The following VWA8 variants were observed in gnomAD, a reference collection of about 807,000 sequenced individuals.
The protein encoded by VWA8 is von Willebrand factor A domain-containing protein 8.
A neutral mutation model predicts 241.5 loss-of-function variants in VWA8; 221 were observed. The ratio of observed to expected loss-of-function variants is 0.91; its 90% confidence interval spans 0.82 to 1.02. The LOEUF is 1.02. Ranked by LOEUF, VWA8 falls within the 50% of genes least tolerant of loss-of-function variation. The probability of loss-of-function intolerance (pLI) is 0.00; values close to 1 mark genes in which losing one functional copy is unlikely to be tolerated. For synonymous variants in VWA8, 852 were observed against 827.1 expected, an observed-to-expected ratio of 1.03 and a Z score of -0.52; for missense variants, 2,322 against 2,328.7, an observed-to-expected ratio of 1.00 and a Z score of 0.06.
chr13:41,613,033 T>G (rs2044600117), intron 38 of VWA8, among the ~76,000 whole-genome samples: 1 of 152,196 alleles, frequency 6.6e-6, no homozygotes, highest in Admixed American at 6.5e-5. Context: ...TACACAGAAT[T>G]AGGCAATTTC....
Position 41,900,383 on chromosome 13 carries a change from A to G in VWA8, c.483+7203T>C, listed in dbSNP as rs995389601. Among the ~76,000 whole-genome samples the G allele has an allele frequency of 4.6e-5, 7 of 152,362 alleles. No individual in the cohort carries two copies. In the East Asian group the frequency reaches 9.6e-4, roughly 21 times the overall value. On this transcript the variant is annotated intron_variant, in intron 4 of 44. Coordinates refer to ENST00000379310, the MANE Select transcript of VWA8 (RefSeq NM_015058.2). ...GAGCTCTTCTTGTCCTTCAAGCTAC[A>G]GAACTTCCAGAGACCTAATTTTCTC...
chr13:41,811,867 T>C (rs985215339), intron 16 of VWA8, among the ~76,000 whole-genome samples: 1 of 152,210 alleles, frequency 6.6e-6, no homozygotes, highest in Non-Finnish European at 1.5e-5. Flanking sequence ...CAGAATACTT[T>C]CACTTTGCTA....
intron 37 of VWA8, among the ~76,000 whole-genome samples, chr13:41,669,893 T>C (rs187511887): frequency 3.0e-4 from 46 of 152,286 alleles, no homozygotes; most frequent in African/African-American, 1.1e-3. Context: ...CACATGTTTA[T>C]TTTAGAGTCA....
chr13:41,942,367 CA>C (rs1233119742), intron 2 of VWA8, among the ~76,000 whole-genome samples: 3 of 152,144 alleles, frequency 2.0e-5, no homozygotes, highest in African/African-American at 7.2e-5. Context: ...TAAAACTCAT[CA>C]CACAGCTAAC....
intron 21 of VWA8, among the ~76,000 whole-genome samples, chr13:41,759,164 G>A (rs1436984635): frequency 6.6e-6 from 1 of 151,328 alleles, no homozygotes; most frequent in Non-Finnish European, 1.5e-5. Context: ...CTCAGTTTTT[G>A]TCTGAAAATG....
chr13:41,867,499 C>T (rs912166891), intron 10 of VWA8, among the ~76,000 whole-genome samples: 1 of 152,222 alleles, frequency 6.6e-6, no homozygotes, highest in Non-Finnish European at 1.5e-5. Flanking sequence ...AACCTCTTTA[C>T]ATCTCAGTTT....
chr13:41,883,203 T>C (rs1874346665), intron 9 of VWA8, among the ~76,000 whole-genome samples, 184 bp downstream of exon 9: 2 of 152,158 alleles, frequency 1.3e-5, no homozygotes, highest in Admixed American at 1.3e-4. Flanking sequence ...TTATCACAGC[T>C]GTCTTCTTGT....
At chr13:41,584,665 TG>T (rs749281614) in intron 42 of VWA8, among the ~76,000 whole-genome samples, 5 of 152,200 alleles carry the variant, frequency 3.3e-5, no homozygotes, top group Admixed American at 6.5e-5. Flanking sequence ...AAGAATTTAA[TG>T]GCATAAAAAA....
intron 35 of VWA8, among the ~76,000 whole-genome samples, chr13:41,677,888 T>C (rs2045071116): frequency 6.6e-6 from 1 of 152,174 alleles, no homozygotes; most frequent in Non-Finnish European, 1.5e-5. Context: ...TCAAATGTAG[T>C]TTACAAAAAA....
chr13:41,716,057 C>T (rs1019023470), intron 26 of VWA8, among the ~76,000 whole-genome samples: 1 of 151,822 alleles, frequency 6.6e-6, no homozygotes, highest in Non-Finnish European at 1.5e-5. Flanking sequence ...ATGTCCTGTC[C>T]CATGTATTAG....
intron 20 of VWA8, among the ~76,000 whole-genome samples, chr13:41,772,186 G>C (rs938284998): frequency 7.9e-5 from 12 of 152,198 alleles, no homozygotes; most frequent in African/African-American, 2.9e-4. Flanking sequence ...CACTGCGCCC[G>C]GCCTCCGGCA....
intron 37 of VWA8, among the ~76,000 whole-genome samples, chr13:41,625,500 G>A (rs567297413): frequency 1.1e-4 from 17 of 152,256 alleles, no homozygotes; most frequent in East Asian, 3.9e-4. Context: ...ATCACTGGCC[G>A]TCAGAGAAAC....
chr13:41,849,315 T>A (rs963816804), intron 12 of VWA8, among the ~76,000 whole-genome samples: 2 of 152,116 alleles, frequency 1.3e-5, no homozygotes, highest in African/African-American at 4.8e-5. Context: ...GGGGAAAAAA[T>A]ATGTTCACAA....
At chr13:41,650,821 C>T (rs1428001739) in intron 37 of VWA8, among the ~76,000 whole-genome samples, 2 of 152,110 alleles carry the variant, frequency 1.3e-5, no homozygotes, top group Non-Finnish European at 2.9e-5. Flanking sequence ...TGAGGGTAGA[C>T]AGGCTGCATC....
intron 8 of VWA8, among the ~76,000 whole-genome samples, chr13:41,885,584 C>G (rs1358714430): frequency 2.0e-5 from 3 of 152,174 alleles, no homozygotes; most frequent in Non-Finnish European, 4.4e-5. Flanking sequence ...GTGTGAAAGC[C>G]CTAGCTCCCC....
chr13:41,775,629 T>C (rs1387386136), intron 20 of VWA8, among the ~76,000 whole-genome samples: 2 of 152,148 alleles, frequency 1.3e-5, no homozygotes, highest in Non-Finnish European at 2.9e-5. Flanking sequence ...ACCATCTACC[T>C]ATGGAGCTGT....
intron 12 of VWA8, among the ~76,000 whole-genome samples, 198 bp from the exon 13 acceptor site, chr13:41,833,729 C>T (rs1871590008): frequency 6.6e-6 from 1 of 152,044 alleles, no homozygotes; most frequent in Admixed American, 6.6e-5. Flanking sequence ...GATTTTTTTC[C>T]ATTACTCATT....
Position 41,783,294 on chromosome 13 carries a change from A to G in VWA8, c.2277+501T>C, listed in dbSNP as rs1383224973. ...CCCTAATCATAGCAACCATTCCTCCAATTTTTAAGTACCTTTGGAAAAAAT... is the reference window on the plus strand; with the variant it reads ...CCCTAATCATAGCAACCATTCCTCCGATTTTTAAGTACCTTTGGAAAAAAT... On this transcript the variant is annotated intron_variant, in intron 19 of 44. Coordinates refer to ENST00000379310, the MANE Select transcript of VWA8 (RefSeq NM_015058.2). Among the ~76,000 whole-genome samples the G allele has an allele frequency of 9.3e-5, 14 of 150,872 alleles. 1 individual carries two copies. Among genetic ancestry groups the G allele is most frequent in the Admixed American group, 9.3e-4 (14 of 15,114 alleles).
At chr13:41,886,874 TA>T (rs2138079559) in intron 6 of VWA8, 44 bp from the exon 7 acceptor site, 1 of 1,426,960 alleles carries the variant, frequency 7.0e-7, no homozygotes, top group East Asian at 2.4e-5. Context: ...ACAAGAAATG[TA>T]ACAGATTAAA....
Sources: gnomAD v4.1 joint callset for allele counts (sites outside exome capture counted in the v4.1 genomes callset) on GRCh38, gnomAD v4.1.1 for gene constraint, MANE v1.5 for transcripts, NCBI Gene and HGNC (gene_info 2026-07-23, HGNC 2026-07-21) for gene names.